SCGN: variants seen among roughly 807,000 people sequenced by gnomAD.
The protein encoded by SCGN is secretagogin, EF-hand calcium binding protein.
SCGN carries 30 observed loss-of-function variants against 39.7 expected under a neutral mutation model. The ratio of observed to expected loss-of-function variants is 0.76; its 90% CI spans 0.57 to 1.03. SCGN has a LOEUF of 1.03. Ranked by LOEUF, SCGN falls within the 50% of genes least tolerant of loss-of-function variation. SCGN has a pLI of 0.00. For missense variants in SCGN, 353 were observed against 349.4 expected, an observed-to-expected ratio of 1.01 and a Z score of -0.08; for synonymous variants, 106 against 114.1, an observed-to-expected ratio of 0.93 and a Z score of 0.45.
At chr6:25,673,532 C>T (rs138275548) in intron 6 of SCGN, among the ~76,000 whole-genome samples, 1 of 152,126 alleles carries the variant, frequency 6.6e-6, no homozygotes, top group Non-Finnish European at 1.5e-5. Context: ...AGCCTAGATT[C>T]GTAAGTCTAG....
intron 2 of SCGN, among the ~76,000 whole-genome samples, chr6:25,659,093 TCA>T (rs917717568): frequency 1.3e-5 from 2 of 152,226 alleles, no homozygotes; most frequent in African/African-American, 4.8e-5. Context: ...ATGACAATTA[TCA>T]GGGGCTGAGG....
intron 2 of SCGN, among the ~76,000 whole-genome samples, chr6:25,656,290 C>A (rs1760225369): frequency 6.6e-6 from 1 of 152,146 alleles, no homozygotes; most frequent in South Asian, 2.1e-4. Flanking sequence ...CAGTGGTAAG[C>A]CAACCTTCAG....
intron 10 of SCGN, among the ~76,000 whole-genome samples, chr6:25,700,432 G>A (rs1759896587): frequency 6.6e-6 from 1 of 152,088 alleles, no homozygotes; most frequent in Admixed American, 6.5e-5. Flanking sequence ...GAGGACTATT[G>A]AGGACTGTCT....
Position 25,669,528 on chromosome 6 carries a change from C to T in SCGN, c.354C>T (p.Asp118=), listed in dbSNP as rs745811016. 1.9e-6 allele frequency: 3 copies of T among 1,613,332 alleles called. No individual in the cohort carries two copies. Among genetic ancestry groups the T allele is most frequent in the Admixed American group, 1.7e-5 (1 of 59,996 alleles). The change falls in exon 5 of 11, where the codon GAC becomes GAT. Residue 118 remains aspartate (D), a synonymous_variant. Transcript: ENST00000377961. ...VEFMQIWRKY[D]ADSSGFISAA... Reference sequence around the variant, plus strand: ...TATTTCAGATTTGGCGCAAATATGACGCTGACAGCAGTGGCTTTATATCAG... The same window carrying T: ...TATTTCAGATTTGGCGCAAATATGATGCTGACAGCAGTGGCTTTATATCAG...
At chr6:25,656,660 T>C (rs1760232817) in intron 2 of SCGN, among the ~76,000 whole-genome samples, 1 of 152,180 alleles carries the variant, frequency 6.6e-6, no homozygotes, top group African/African-American at 2.4e-5. Context: ...TAGCCTAGCG[T>C]CTCAGATAAG....
At chr6:25,684,450 C>T (rs1364959976) in intron 7 of SCGN, among the ~76,000 whole-genome samples, 1 of 152,046 alleles carries the variant, frequency 6.6e-6, no homozygotes, top group African/African-American at 2.4e-5. Flanking sequence ...ATTTCAAAAC[C>T]AGTTTGATAC....
intron 3 of SCGN, among the ~76,000 whole-genome samples, chr6:25,662,467 T>G (rs1048405115): frequency 6.6e-6 from 1 of 152,184 alleles, no homozygotes; most frequent in Non-Finnish European, 1.5e-5. Context: ...TGAGTCAATC[T>G]GAAACTAAGA....
rs560168169 is a variant in SCGN, at chr6:25,653,424, T to C, written c.125T>C (p.Leu42Pro). The C allele has an allele frequency of 1.9e-6, 3 of 1,613,334 alleles. No individual in the cohort carries two copies. The South Asian group carries it at 3.3e-5, about 18-fold the overall frequency. The change falls in exon 2 of 11, where the codon CTC (leucine) becomes CCC (proline). Residue 42 changes from leucine to proline, a missense_variant. Leu to Pro is a moderately conservative substitution (Grantham distance 98). Coordinates refer to ENST00000377961, the MANE Select transcript of SCGN (RefSeq NM_006998.4). The part of the protein sequence containing the change: ...IEEKELDAFF[L>P]HMLMKLGTDD... The stretch of plus-strand genomic sequence containing the variant: ...GAGAAGGAACTCGATGCTTTCTTTC[T>C]CCACATGTTGATGAAACTGGGTACT...
intron 2 of SCGN, 21 bp from the exon 3 acceptor site, chr6:25,661,531 G>T: frequency 6.4e-7 from 1 of 1,571,244 alleles, no homozygotes. Context: ...CTTTAATGTG[G>T]CTCTGTTTGG....
chr6:25,689,150 ATT>A lies in SCGN; in HGVS notation c.528-10_528-9del, dbSNP rs11327870. ...TGAGAGCTGAACGATCCTTACGTGG[ATT>A]TTTTTTTTTTTCTATTTAGGATTCT... On this transcript the variant is annotated intron_variant, in intron 7 of 10. Transcript: ENST00000377961. The A allele has an allele frequency of 0.02, 24,128 of 1,187,222 alleles. 1 individual carries two copies. Among genetic ancestry groups the A allele is most frequent in the Admixed American group, 0.032 (1,397 of 43,428 alleles). The allele number at this position is 1,187,222 out of a possible 1,614,324, so 73.5% of individuals were successfully genotyped here. A position where few individuals can be genotyped will look rare whatever the true frequency, so the allele number is the denominator to read the frequency against.
intron 5 of SCGN, 130 bp from the exon 6 acceptor site, chr6:25,669,866 TTTA>T: frequency 1.2e-6 from 1 of 804,526 alleles, no homozygotes; most frequent in Non-Finnish European, 2.1e-6. Context: ...CATTCTTGGA[TTTA>T]TTGCTTGCTA....
intron 6 of SCGN, among the ~76,000 whole-genome samples, chr6:25,674,854 C>T (rs570566816): frequency 1.4e-4 from 22 of 152,216 alleles, no homozygotes; most frequent in African/African-American, 5.3e-4. Flanking sequence ...GCTGCCAACA[C>T]CAGGCAGGAG....
At chr6:25,669,403 T>G in intron 4 of SCGN, 108 bp from the exon 5 acceptor site, 1 of 973,276 alleles carries the variant, frequency 1.0e-6, no homozygotes, top group Non-Finnish European at 1.6e-6. Context: ...AAAAGTGGAA[T>G]TTCCATTCAG....
At chr6:25,660,099 C>G (rs890208877) in intron 2 of SCGN, among the ~76,000 whole-genome samples, 2 of 152,204 alleles carry the variant, frequency 1.3e-5, no homozygotes, top group African/African-American at 4.8e-5. Context: ...GGTTATAGTA[C>G]ATTTTTTTCT....
At chr6:25,670,128 C>A in intron 6 of SCGN, 52 bp downstream of exon 6, 2 of 1,221,416 alleles carry the variant, frequency 1.6e-6, no homozygotes, top group Non-Finnish European at 1.2e-6. Flanking sequence ...CACTCCCTCC[C>A]CAGACCCCAG....
At chr6:25,667,117 G>C (rs1162192471) in intron 4 of SCGN, among the ~76,000 whole-genome samples, 1 of 151,644 alleles carries the variant, frequency 6.6e-6, no homozygotes, top group African/African-American at 2.4e-5. Context: ...TTTTCTTTTT[G>C]TATTTCATTA....
intron 2 of SCGN, among the ~76,000 whole-genome samples, chr6:25,658,854 G>A (rs77924933): frequency 3.3e-5 from 5 of 152,164 alleles, no homozygotes; most frequent in African/African-American, 1.2e-4. Flanking sequence ...GCTGACAAAA[G>A]TTTGTGTATG....
intron 6 of SCGN, among the ~76,000 whole-genome samples, chr6:25,676,892 A>G (rs1464185927): frequency 6.6e-6 from 1 of 152,196 alleles, no homozygotes; most frequent in Non-Finnish European, 1.5e-5. Context: ...TGTTAAATGA[A>G]TGAACGCACG....
chr6:25,670,564 T>C (rs4712952), intron 6 of SCGN, among the ~76,000 whole-genome samples: 42,404 of 152,144 alleles, frequency 0.28, 5,968 homozygotes, highest in African/African-American at 0.31. Context: ...GTCAAGCCTC[T>C]CAACTTTATT....
Sources: allele counts gnomAD v4.1 joint callset (sites outside exome capture counted in the v4.1 genomes callset), GRCh38; gene constraint gnomAD v4.1.1; transcripts MANE v1.5; gene names NCBI Gene and HGNC (gene_info 2026-07-23, HGNC 2026-07-21).